The following CD2AP variants were observed in gnomAD, a reference collection of about 807,000 sequenced individuals.
CD2AP encodes CD2 associated protein.
Under a neutral mutation model 85.1 loss-of-function variants are expected in CD2AP, and 46 were observed. The observed-to-expected ratio is 0.54, with a 90% CI of 0.43 to 0.69. The LOEUF is 0.69. CD2AP is among the 30% of genes least tolerant of loss of function. The pLI is 0.00. For synonymous variants in CD2AP, 255 were observed against 252.9 expected, an observed-to-expected ratio of 1.01 and a Z score of -0.08; for missense variants, 769 against 729.5, an observed-to-expected ratio of 1.05 and a Z score of -0.62.
At chr6:47,612,331 C>A (rs1022703516) in intron 16 of CD2AP, 142 bp from the exon 17 acceptor site, 1 of 631,636 alleles carries the variant, frequency 1.6e-6, no homozygotes, top group Admixed American at 2.6e-5. Context: ...GAGAATCTTA[C>A]ATTTTTCTTA....
At chr6:47,595,799 G>T in intron 11 of CD2AP, 62 bp from the exon 12 acceptor site, 1 of 1,455,772 alleles carries the variant, frequency 6.9e-7, no homozygotes, top group Non-Finnish European at 9.6e-7. Flanking sequence ...ACAAACTTTT[G>T]GAAATAGAAA....
intron 2 of CD2AP, among the ~76,000 whole-genome samples, chr6:47,503,789 T>C (rs111318133): frequency 1.9e-3 from 295 of 152,360 alleles, no homozygotes; most frequent in African/African-American, 6.9e-3. Flanking sequence ...TACAGTATAC[T>C]TGTGAAATAG....
intron 2 of CD2AP, among the ~76,000 whole-genome samples, chr6:47,505,428 CTT>C (rs1362225877): frequency 1.3e-5 from 2 of 150,560 alleles, no homozygotes; most frequent in Non-Finnish European, 3.0e-5. Context: ...ATGTCTACCT[CTT>C]TCTACACAGA....
intron 1 of CD2AP, among the ~76,000 whole-genome samples, chr6:47,492,347 CTTTTTTTTTT>C (rs70999626): frequency 3.1e-5 from 3 of 95,512 alleles, no homozygotes; most frequent in South Asian, 3.9e-4. Context: ...CACCTGTAAT[CTTTTTTTTTT>C]TTTTTTTTTT....
intron 2 of CD2AP, among the ~76,000 whole-genome samples, chr6:47,505,872 G>A (rs1766144712): frequency 8.3e-6 from 1 of 120,880 alleles, no homozygotes; most frequent in Non-Finnish European, 1.8e-5. Flanking sequence ...CCTCCCTCCC[G>A]GATGGGGCGG....
chr6:47,511,840 A>G lies in CD2AP; in HGVS notation c.165+8400A>G, dbSNP rs187455284. 2.6e-5 allele frequency among the ~76,000 whole-genome samples: 4 copies of G among 151,786 alleles called. No homozygotes were observed. In the East Asian group the frequency reaches 7.7e-4, roughly 29 times the overall value. ...ATTAAGGTGCACGTTCATCCTGGCT[A>G]ACACGGTGAAACCTCAACTCTACTA... On this transcript the variant is annotated intron_variant, in intron 2 of 17. Coordinates refer to ENST00000359314, the MANE Select transcript of CD2AP (RefSeq NM_012120.3).
intron 2 of CD2AP, among the ~76,000 whole-genome samples, chr6:47,511,249 C>A (rs1265230544): frequency 6.6e-6 from 1 of 152,082 alleles, no homozygotes; most frequent in Non-Finnish European, 1.5e-5. Flanking sequence ...TGGTATTCTT[C>A]CCCAAAGTCC....
At chr6:47,595,140 CAT>C (rs1479887632) in intron 11 of CD2AP, among the ~76,000 whole-genome samples, 1 of 151,912 alleles carries the variant, frequency 6.6e-6, no homozygotes, top group Non-Finnish European at 1.5e-5. Flanking sequence ...GCAGGTATGT[CAT>C]GTGTAATAAA....
At chr6:47,558,755 T>G (rs926930202) in intron 5 of CD2AP, among the ~76,000 whole-genome samples, 11 of 152,224 alleles carry the variant, frequency 7.2e-5, no homozygotes, top group African/African-American at 2.4e-4. Context: ...CGCATTGATG[T>G]TCATCAGGGA....
intron 17 of CD2AP, among the ~76,000 whole-genome samples, chr6:47,613,505 A>G: frequency 7.1e-6 from 1 of 141,830 alleles, no homozygotes; most frequent in Non-Finnish European, 1.5e-5. Flanking sequence ...TTTAAAAATA[A>G]TCCTTTTTTT....
intron 17 of CD2AP, among the ~76,000 whole-genome samples, chr6:47,622,283 AG>A (rs1447149104): frequency 4.6e-5 from 7 of 152,198 alleles, no homozygotes; most frequent in Admixed American, 2.6e-4. Context: ...GCGAAAGAAA[AG>A]GGCTTGGTTC....
rs115846655 is a variant in CD2AP, at chr6:47,494,400, G to A, written c.5-8880G>A. On this transcript the variant is annotated intron_variant, in intron 1 of 17. Coordinates refer to ENST00000359314, the MANE Select transcript of CD2AP (RefSeq NM_012120.3). ...TCATTGATATGGTGGTAGCATGTGG[G>A]AAAGGGGAAATATACTATTATAATC... Among the ~76,000 whole-genome samples, 676 of 152,256 alleles carry A rather than the reference G, an allele frequency of 4.4e-3. 5 individuals carry two copies. Among genetic ancestry groups the A allele is most frequent in the African/African-American group, 0.015 (635 of 41,540 alleles).
chr6:47,481,436 C>G (rs1254772476), intron 1 of CD2AP, among the ~76,000 whole-genome samples: 1 of 152,082 alleles, frequency 6.6e-6, no homozygotes, highest in African/African-American at 2.4e-5. Context: ...ACCTCCGCCT[C>G]CTGGGTTCAA....
chr6:47,535,105 C>T (rs949955431), intron 3 of CD2AP, among the ~76,000 whole-genome samples: 4 of 152,122 alleles, frequency 2.6e-5, no homozygotes, highest in Admixed American at 6.6e-5. Flanking sequence ...CTAGAGATTG[C>T]ATACTTATTA....
intron 16 of CD2AP, chr6:47,609,522 AAAAAAAAAAGAAAAG>A: frequency 2.6e-6 from 1 of 383,008 alleles, no homozygotes; most frequent in South Asian, 3.2e-5. Flanking sequence ...GCAAAAAAAA[AAAAAAAAAAGAAAAG>A]AAAAGAAAAG....
At chr6:47,584,667 GT>G (rs1165223584) in intron 11 of CD2AP, among the ~76,000 whole-genome samples, 3 of 151,914 alleles carry the variant, frequency 2.0e-5, no homozygotes, top group East Asian at 3.9e-4. Flanking sequence ...CAAAATGGAA[GT>G]TTTTTTATAT....
At chr6:47,587,193 C>A (rs760426418) in intron 11 of CD2AP, among the ~76,000 whole-genome samples, 1 of 152,092 alleles carries the variant, frequency 6.6e-6, no homozygotes, top group Non-Finnish European at 1.5e-5. Context: ...GCGTCTTAAG[C>A]CTTCCACCAA....
intron 17 of CD2AP, among the ~76,000 whole-genome samples, chr6:47,620,976 G>A (rs960940957): frequency 6.6e-5 from 10 of 152,098 alleles, no homozygotes; most frequent in Middle Eastern, 3.2e-3. Context: ...GTAAATGATT[G>A]TATCGTCAGC....
intron 5 of CD2AP, among the ~76,000 whole-genome samples, chr6:47,566,323 T>TATATATATATACACACACACAC: frequency 9.2e-6 from 1 of 108,388 alleles, no homozygotes; most frequent in Non-Finnish European, 2.1e-5. Context: ...TATATATATA[T>TATATATATATACACACACACAC]ACACATACAC....
Sources: allele counts gnomAD v4.1 joint callset (sites outside exome capture counted in the v4.1 genomes callset), GRCh38; gene constraint gnomAD v4.1.1; transcripts MANE v1.5; gene names NCBI Gene and HGNC (gene_info 2026-07-23, HGNC 2026-07-21).